The following COPB1 variants were observed in gnomAD, a reference collection of about 807,000 sequenced individuals.
COPB1 encodes the protein coatomer subunit beta.
In COPB1, 21 loss-of-function variants were observed where a neutral mutation model predicts 108.7. That is an observed-to-expected ratio of 0.19 (90% CI 0.14 to 0.28). The LOEUF (loss-of-function observed/expected upper bound fraction) is 0.28, where lower values mean the gene tolerates loss of function less well. COPB1 is among the 10% of genes least tolerant of loss of function. The probability of loss-of-function intolerance (pLI) is 1.00; values close to 1 mark genes in which losing one functional copy is unlikely to be tolerated. For synonymous variants in COPB1, 378 were observed against 386.8 expected (o/e 0.98, Z 0.27); for missense variants, 919 against 1,141.3 (o/e 0.81, Z 2.81).
intron 7 of COPB1, 81 bp from the exon 8 acceptor site, chr11:14,483,232 A>T: frequency 8.8e-6 from 1 of 113,848 alleles, no homozygotes; most frequent in Non-Finnish European, 1.5e-5. Context: ...CGCACACCAC[A>T]CACACACACA....
chr11:14,496,743 G>A (rs1851030039), intron 2 of COPB1, among the ~76,000 whole-genome samples: 1 of 147,838 alleles, frequency 6.8e-6, no homozygotes, highest in Non-Finnish European at 1.5e-5. Context: ...AATAGCCAAA[G>A]CTATCCTAAG....
chr11:14,464,149 A>G (rs569819789), intron 18 of COPB1, among the ~76,000 whole-genome samples: 1 of 152,248 alleles, frequency 6.6e-6, no homozygotes, highest in South Asian at 2.1e-4. Context: ...CTGAACTCCA[A>G]GTGTATCAAA....
At chr11:14,480,291 T>C (rs943750329) in intron 10 of COPB1, among the ~76,000 whole-genome samples, 9 of 152,172 alleles carry the variant, frequency 5.9e-5, no homozygotes, top group Non-Finnish European at 1.3e-4. Context: ...CCTCCTAAAT[T>C]GTAACTAAAA....
At chr11:14,486,346 C>T (rs1426458220) in intron 7 of COPB1, 21 bp downstream of exon 7, 3 of 1,612,686 alleles carry the variant, frequency 1.9e-6, no homozygotes, top group Non-Finnish European at 2.5e-6. Context: ...CTAATCTGGC[C>T]CCAAAAGAAA....
intron 14 of COPB1, among the ~76,000 whole-genome samples, chr11:14,472,569 C>T (rs1479399354): frequency 2.0e-5 from 3 of 152,186 alleles, no homozygotes; most frequent in African/African-American, 7.2e-5. Flanking sequence ...AGCCAGGCAC[C>T]GACTTCTCTC....
intron 2 of COPB1, among the ~76,000 whole-genome samples, chr11:14,495,598 A>C (rs552935285): frequency 6.6e-6 from 1 of 152,336 alleles, no homozygotes; most frequent in African/African-American, 2.4e-5. Context: ...TCCTGAAGTC[A>C]AGTGATCCAC....
Position 14,457,668 on chromosome 11 carries a change from A to C in COPB1, c.*156T>G, listed in dbSNP as rs1850058294. On this transcript the variant is annotated 3_prime_UTR_variant, in exon 22 of 22. Coordinates refer to ENST00000439561, the MANE Select transcript of COPB1 (RefSeq NM_001144061.2). ...AAAGACAAACTATAATTTTAAACTC[A>C]ATCTTGATTTAAGGGAAAGGCTATA... The C allele has an allele frequency of 1.6e-6, 1 of 633,362 alleles. No individual in the cohort carries two copies. Among genetic ancestry groups the C allele is most frequent in the African/African-American group, 1.9e-5 (1 of 53,808 alleles). The allele number at this position is 633,362 out of a possible 1,614,324, so 39.2% of individuals were successfully genotyped here.
chr11:14,480,773 T>C lies in COPB1; in HGVS notation c.1198A>G (p.Asn400Asp), dbSNP rs1186924764. 3 of 1,613,522 alleles carry C rather than the reference T, an allele frequency of 1.9e-6. No individual in the cohort carries two copies. Among genetic ancestry groups the C allele is most frequent in the African/African-American group, 2.7e-5 (2 of 74,918 alleles). Reference protein sequence around the residue: ...CSVRFPDMAANVIPVLMEFLS... With the variant: ...CSVRFPDMAADVIPVLMEFLS... ...GAATTACATACCACAGGAATAACAT[T>C]TGCAGCCATATCTGGAAATCGGACA... Residue 400 changes from asparagine (N) to aspartate (D), a missense_variant, in exon 10 of 22, where the codon AAT (asparagine) becomes GAT (aspartate). By Grantham distance (23) the Asn-to-Asp change is conservative (BLOSUM62 1). Around this residue, in one of 5 missense-constraint regions of COPB1, gnomAD observed 705 missense variants for 817.8 expected, o/e 0.86. Transcript: ENST00000439561.
intron 14 of COPB1, among the ~76,000 whole-genome samples, chr11:14,471,921 T>TA (rs1850413863): frequency 6.6e-6 from 1 of 151,882 alleles, no homozygotes; most frequent in Non-Finnish European, 1.5e-5. Context: ...AGACTCCGTC[T>TA]AAAAAAAAAT....
Position 14,462,630 on chromosome 11 carries a change from A to G in COPB1, c.2411-1299T>C, listed in dbSNP as rs545361390. ...CTTTAATTTTCAGCTCCACATCTAAAAACAACTCTCTCTCTTGGAATTCAC... is the reference window on the plus strand; with the variant it reads ...CTTTAATTTTCAGCTCCACATCTAAGAACAACTCTCTCTCTTGGAATTCAC... On this transcript the variant is annotated intron_variant, in intron 18 of 21. Coordinates refer to ENST00000439561, the MANE Select transcript of COPB1 (RefSeq NM_001144061.2). 7.9e-5 allele frequency among the ~76,000 whole-genome samples: 12 copies of G among 152,262 alleles called. No individual in the cohort carries two copies. In the East Asian group the frequency reaches 2.3e-3, roughly 29 times the overall value.
chr11:14,481,970 T>C (rs1170992643), intron 8 of COPB1, among the ~76,000 whole-genome samples: 2 of 152,062 alleles, frequency 1.3e-5, no homozygotes, highest in African/African-American at 4.8e-5. Context: ...TGTATTTTAA[T>C]GGAGACAGGG....
At chr11:14,462,936 C>T (rs1157978472) in intron 18 of COPB1, among the ~76,000 whole-genome samples, 1 of 152,140 alleles carries the variant, frequency 6.6e-6, no homozygotes, top group East Asian at 1.9e-4. Context: ...AGCCAAGATC[C>T]TACACTCAGA....
At chr11:14,480,664 T>C in intron 10 of COPB1, 95 bp downstream of exon 10, 1 of 1,208,458 alleles carries the variant, frequency 8.3e-7, no homozygotes, top group Non-Finnish European at 1.2e-6. Flanking sequence ...TTAATGGTTC[T>C]AGGCAGCTGA....
At chr11:14,474,342 G>C in intron 14 of COPB1, 153 bp downstream of exon 14, 1 of 552,358 alleles carries the variant, frequency 1.8e-6, no homozygotes, top group Non-Finnish European at 3.0e-6. Context: ...ATCAATTTTA[G>C]AGTAATATAT....
chr11:14,460,955 A>C (rs546325366), intron 19 of COPB1, among the ~76,000 whole-genome samples: 4 of 151,920 alleles, frequency 2.6e-5, no homozygotes, highest in Non-Finnish European at 5.9e-5. Flanking sequence ...ATAATGTCTA[A>C]ACCTATCAGA....
intron 14 of COPB1, chr11:14,474,254 T>G: frequency 3.6e-6 from 1 of 280,022 alleles, no homozygotes; most frequent in South Asian, 5.8e-5. Flanking sequence ...TCCACTGGAA[T>G]AATCACATGA....
At chr11:14,480,695 T>C (rs1021095815) in intron 10 of COPB1, 64 bp downstream of exon 10, 4 of 1,493,044 alleles carry the variant, frequency 2.7e-6, no homozygotes, top group Non-Finnish European at 3.6e-6. Context: ...GTTTGTCAAA[T>C]AACTATATTT....
intron 4 of COPB1, among the ~76,000 whole-genome samples, chr11:14,492,625 G>A (rs570926426): frequency 6.6e-6 from 1 of 152,092 alleles, no homozygotes; most frequent in Admixed American, 6.5e-5. Context: ...TTACAGGCAT[G>A]AGCCACCACG....
At chr11:14,482,608 C>T (rs1245366066) in intron 8 of COPB1, among the ~76,000 whole-genome samples, 2 of 152,008 alleles carry the variant, frequency 1.3e-5, no homozygotes, top group Non-Finnish European at 2.9e-5. Flanking sequence ...GATCTCAGCT[C>T]ACTGCAACCT....
Sources: gnomAD v4.1 joint callset for allele counts (sites outside exome capture counted in the v4.1 genomes callset) on GRCh38, gnomAD v4.1.1 for gene constraint, gnomAD v4.1.1 regional missense constraint, MANE v1.5 for transcripts, NCBI Gene and HGNC (gene_info 2026-07-23, HGNC 2026-07-21) for gene names.